GPSM1: variants seen among roughly 807,000 people sequenced by gnomAD.
GPSM1 encodes G protein-signaling modulator 1.
Under a neutral mutation model 70.5 loss-of-function variants are expected in GPSM1, and 48 were observed. The ratio of observed to expected loss-of-function variants is 0.68; its 90% CI spans 0.54 to 0.87. The LOEUF (loss-of-function observed/expected upper bound fraction) is 0.87. Ranked by LOEUF, GPSM1 falls within the 40% of genes least tolerant of loss-of-function variation. The pLI is 0.00. For missense variants in GPSM1, 981 were observed against 972.6 expected, an observed-to-expected ratio of 1.01 and a Z score of -0.11; for synonymous variants, 416 against 430.1, an observed-to-expected ratio of 0.97 and a Z score of 0.41.
chr9:136,336,857 C>G (rs1177160932), intron 3 of GPSM1, 64 bp from the exon 4 acceptor site: 13 of 1,467,590 alleles, frequency 8.9e-6, no homozygotes, highest in Non-Finnish European at 1.2e-5. Flanking sequence ...CACCGGTGTG[C>G]CGGCTCTGCA....
intron 11 of GPSM1, 54 bp downstream of exon 11, chr9:136,349,817 G>A: frequency 1.4e-6 from 2 of 1,475,630 alleles, no homozygotes; most frequent in South Asian, 2.7e-5. Flanking sequence ...CTTGGCAACT[G>A]CGCCCCAACT....
chr9:136,334,486 G>C lies in GPSM1; in HGVS notation c.108G>C (p.Glu36Asp). ...GCCTAGAGCTGGCGCTGGAGGGCGA[G>C]CGTCTGTGCAAGGCGGGCGACTTCA... ...ASCLELALEG[E>D]RLCKAGDFKT... is the part of the protein sequence containing the mutation. The change falls in exon 2 of 14, where the codon GAG becomes GAC. Residue 36 changes from glutamate (E) to aspartate (D), a missense_variant. Transcript: ENST00000440944. 6.2e-7 allele frequency: 1 copy of C among 1,613,042 alleles called. No individual in the cohort carries two copies. Among genetic ancestry groups the C allele is most frequent in the South Asian group, 1.1e-5 (1 of 91,072 alleles).
chr9:136,357,965 C>G (rs1296000256), intron 13 of GPSM1, 49 bp from the exon 14 acceptor site: 2 of 1,452,110 alleles, frequency 1.4e-6, no homozygotes, highest in African/African-American at 1.4e-5. Context: ...CAGCCCCGGA[C>G]CACTGGGGCT....
Position 136,337,027 on chromosome 9 carries a change from C to T in GPSM1, c.533C>T (p.Pro178Leu), listed in dbSNP as rs782296331. 7.0e-5 allele frequency: 108 copies of T among 1,551,732 alleles called. No homozygotes were observed. Among genetic ancestry groups the T allele is most frequent in the South Asian group, 4.8e-5 (4 of 84,118 alleles). ...GCCACGCAGGACCCCGGGCACCTGC[C>T]GCCCGATGTCCGAGAGACCCTGTGC... ...ANATQDPGHL[P>L]PDVRETLCKA... The change falls in exon 4 of 14, where the codon CCG (proline) becomes CTG (leucine). Residue 178 changes from proline (P) to leucine (L), a missense_variant. By Grantham distance (98) the Pro-to-Leu change is moderately conservative (BLOSUM62 -3). Transcript: ENST00000440944.
At position 136,342,573 on chromosome 9, in the gene GPSM1, G is replaced by A. The variant is rs782537434; in HGVS notation, c.1207+1580G>A. Among the ~76,000 whole-genome samples the A allele has an allele frequency of 6.6e-6, 1 of 152,138 alleles. No individual in the cohort carries two copies. The highest frequency in any genetic ancestry group is 1.5e-5 in the Non-Finnish European group (1 of 67,992). On this transcript the variant is annotated intron_variant, in intron 9 of 13. Transcript: ENST00000440944. This position sits in a 1 kb window ranked among gnomAD's most constrained non-coding sequence, Gnocchi z 5.5. ...GGCCGCCGCCCGGCTGCCGCTGTGG[G>A]AGGCAGGCTGCACACCTAGAGCCTG...
At chr9:136,332,066 G>A (rs1832113011) in intron 1 of GPSM1, 2 of 399,028 alleles carry the variant, frequency 5.0e-6, no homozygotes, top group Non-Finnish European at 8.8e-6. Flanking sequence ...AGAAGGCCGT[G>A]TGCAAGGTGG....
chr9:136,354,212 G>A (rs1307544588), intron 11 of GPSM1, among the ~76,000 whole-genome samples: 1 of 152,222 alleles, frequency 6.6e-6, no homozygotes, highest in Non-Finnish European at 1.5e-5. Context: ...TCAGCTCAAG[G>A]GTCTGAATCC....
intron 1 of GPSM1, among the ~76,000 whole-genome samples, chr9:136,329,497 C>T (rs1338801076): frequency 6.6e-6 from 1 of 152,184 alleles, no homozygotes; most frequent in Non-Finnish European, 1.5e-5. Flanking sequence ...AACCCGAGTG[C>T]TGGGGGCGGC....
At chr9:136,351,797 C>T (rs192005688) in intron 11 of GPSM1, among the ~76,000 whole-genome samples, 3 of 152,380 alleles carry the variant, frequency 2.0e-5, no homozygotes, top group East Asian at 1.9e-4. Flanking sequence ...TCTGTGAGGA[C>T]GTGGCAGGGC....
rs531705734 is a variant in GPSM1, at chr9:136,338,729, G to A, written c.974+19G>A. Reference sequence around the variant, plus strand: ...CCGACAGGTGCGTGGGCGCGGACGCGGCGGGCAGACCCGGCCCGGCCCACA... The same window carrying A: ...CCGACAGGTGCGTGGGCGCGGACGCAGCGGGCAGACCCGGCCCGGCCCACA... On this transcript the variant is annotated intron_variant, in intron 7 of 13. Coordinates refer to ENST00000440944, the MANE Select transcript of GPSM1 (RefSeq NM_001145638.3). 4.4e-5 allele frequency: 68 copies of A among 1,534,270 alleles called. No individual in the cohort carries two copies. The highest frequency in any genetic ancestry group is 2.9e-4 in the South Asian group (24 of 83,570).
intron 9 of GPSM1, among the ~76,000 whole-genome samples, chr9:136,347,380 G>A (rs890591967): frequency 1.1e-4 from 17 of 152,266 alleles, no homozygotes; most frequent in Middle Eastern, 3.4e-3. Context: ...GTCCACGGGT[G>A]GAGGGACGCT....
chr9:136,334,293 C>T (rs1832172976), intron 1 of GPSM1, among the ~76,000 whole-genome samples, 154 bp from the exon 2 acceptor site: 1 of 152,252 alleles, frequency 6.6e-6, no homozygotes, highest in African/African-American at 2.4e-5. Flanking sequence ...GCTTCCAGGC[C>T]TGTATCCCAA....
intron 12 of GPSM1, 132 bp downstream of exon 12, chr9:136,355,978 G>A: frequency 1.4e-6 from 1 of 731,792 alleles, no homozygotes; most frequent in South Asian, 1.9e-5. Context: ...CCCTGTCACT[G>A]AGGGCGCCCT....
intron 11 of GPSM1, 106 bp downstream of exon 11, chr9:136,349,869 G>C: frequency 1.9e-6 from 2 of 1,068,974 alleles, no homozygotes; most frequent in South Asian, 3.3e-5. Context: ...CGGGCACTCC[G>C]GGGAGGCAGG....
Position 136,341,264 on chromosome 9 carries a change from C to T in GPSM1, c.1207+271C>T. 6.7e-7 allele frequency: 1 copy of T among 1,483,066 alleles called. No individual in the cohort carries two copies. Among genetic ancestry groups the T allele is most frequent in the Non-Finnish European group, 9.0e-7 (1 of 1,114,068 alleles). 91.9% of individuals were successfully genotyped at this position (1,483,066 alleles called of 1,614,324 possible). A position where few individuals can be genotyped will look rare whatever the true frequency, so the allele number is the denominator to read the frequency against. On this transcript the variant is annotated intron_variant, in intron 9 of 13. Coordinates refer to ENST00000440944, the MANE Select transcript of GPSM1 (RefSeq NM_001145638.3). The surrounding 1 kb of genome is among the most constrained non-coding windows in gnomAD (Gnocchi z 6.7). ...TGTTGCCCCACTGGCTGCTCCAGGGCCTCCACCCCCACCTCCCCCTGGAGC... is the reference window on the plus strand; with the variant it reads ...TGTTGCCCCACTGGCTGCTCCAGGGTCTCCACCCCCACCTCCCCCTGGAGC...
chr9:136,327,828 G>A (rs1325047019), intron 1 of GPSM1, 65 bp downstream of exon 1: 1 of 590,094 alleles, frequency 1.7e-6, no homozygotes, highest in Non-Finnish European at 2.4e-6. Context: ...GTCGGGACGC[G>A]GGGGAGGCTG....
chr9:136,350,381 C>T (rs370651407), intron 11 of GPSM1, among the ~76,000 whole-genome samples: 182 of 152,280 alleles, frequency 1.2e-3, no homozygotes, highest in Admixed American at 3.7e-3. Flanking sequence ...TGACACCTGG[C>T]GGGGGTCCCT....
chr9:136,351,148 C>T (rs1338955923), intron 11 of GPSM1, among the ~76,000 whole-genome samples: 1 of 152,182 alleles, frequency 6.6e-6, no homozygotes, highest in African/African-American at 2.4e-5. Context: ...TTCGCAGCCC[C>T]CCGAGGCTGC....
At chr9:136,347,429 G>A (rs556218266) in intron 9 of GPSM1, among the ~76,000 whole-genome samples, 96 of 152,292 alleles carry the variant, frequency 6.3e-4, no homozygotes, top group African/African-American at 2.2e-3. Context: ...GGCATAGGGG[G>A]GTGGGAGCTG....
Sources: allele counts gnomAD v4.1 joint callset (sites outside exome capture counted in the v4.1 genomes callset), GRCh38; gene constraint gnomAD v4.1.1; non-coding constraint Gnocchi (gnomAD v3.1); transcripts MANE v1.5; gene names NCBI Gene and HGNC (gene_info 2026-07-23, HGNC 2026-07-21).